The following SPAM1 variants were observed in gnomAD, a reference collection of about 807,000 sequenced individuals.
SPAM1 encodes hyaluronidase PH-20.
A neutral mutation model predicts 29.6 loss-of-function variants in SPAM1; 22 were observed. The ratio of observed to expected loss-of-function variants is 0.74; its 90% confidence interval spans 0.53 to 1.06. The LOEUF (loss-of-function observed/expected upper bound fraction) is 1.06, where lower values mean the gene tolerates loss of function less well. Among genes scored for constraint, SPAM1 ranks in the 50% least tolerant of loss-of-function variants. SPAM1 has a pLI of 0.00. For synonymous variants in SPAM1, 194 were observed against 204.6 expected (o/e 0.95, Z 0.44); for missense variants, 534 against 604.0 (o/e 0.88, Z 1.21).
chr7:123,950,662 A>T (rs1273864151), intron 2 of SPAM1, among the ~76,000 whole-genome samples: 1 of 152,156 alleles, frequency 6.6e-6, no homozygotes, highest in Admixed American at 6.6e-5. Context: ...CCAATCCACC[A>T]ATGAGGAACA....
chr7:123,929,734 G>T (rs1808007999), intron 1 of SPAM1, among the ~76,000 whole-genome samples: 1 of 152,090 alleles, frequency 6.6e-6, no homozygotes, highest in Non-Finnish European at 1.5e-5. Flanking sequence ...ACATTGAAAT[G>T]AGCCCTGCTG....
At chr7:123,941,691 A>C (rs937124560) in intron 1 of SPAM1, among the ~76,000 whole-genome samples, 26 of 152,188 alleles carry the variant, frequency 1.7e-4, no homozygotes, top group African/African-American at 6.3e-4. Context: ...AATGGGAAGC[A>C]GGTTTGCCTG....
chr7:123,958,217 C>T (rs987874414), intron 4 of SPAM1, among the ~76,000 whole-genome samples: 3 of 151,994 alleles, frequency 2.0e-5, no homozygotes, highest in Admixed American at 2.0e-4. Flanking sequence ...TGCATATCTA[C>T]CACTGCCACT....
At chr7:123,970,608 A>AATTATTATT (rs1554432383) in intron 6 of SPAM1, among the ~76,000 whole-genome samples, 9 of 147,264 alleles carry the variant, frequency 6.1e-5, no homozygotes, top group African/African-American at 2.3e-4. Context: ...TAATAATAAT[A>AATTATTATT]ATTATTATTA....
chr7:123,970,611 T>TAATAATAATAATAATA (rs1554432387), intron 6 of SPAM1, among the ~76,000 whole-genome samples: 98 of 102,120 alleles, frequency 9.6e-4, no homozygotes, highest in African/African-American at 3.9e-3. Context: ...TAATAATAAT[T>TAATAATAATAATAATA]ATTATTATTA....
At chr7:123,970,951 T>G (rs1265388842) in intron 6 of SPAM1, 1 of 152,092 alleles carries the variant, frequency 6.6e-6, no homozygotes, top group African/African-American at 2.4e-5. Flanking sequence ...AAAATTAAAA[T>G]CCATATATGT....
chr7:123,955,908 T>C (rs561528586), intron 4 of SPAM1, among the ~76,000 whole-genome samples: 1 of 152,086 alleles, frequency 6.6e-6, no homozygotes, highest in Non-Finnish European at 1.5e-5. Context: ...ATGATAATTT[T>C]CTTTAGTAAA....
At chr7:123,971,085 A>G (rs1792493135) in exon 7 of SPAM1, 1 of 152,100 alleles carries the variant, frequency 6.6e-6, no homozygotes, top group Admixed American at 6.6e-5. Flanking sequence ...CTGTGGGGAG[A>G]AGGCAAGTTA....
At chr7:123,934,587 G>T (rs1322442940) in intron 1 of SPAM1, among the ~76,000 whole-genome samples, 1 of 152,098 alleles carries the variant, frequency 6.6e-6, no homozygotes, top group African/African-American at 2.4e-5. Flanking sequence ...ATGGAATTAA[G>T]CTAAGCATCC....
Position 123,953,660 on chromosome 7 carries a change from T to G in SPAM1, c.90T>G (p.Ile30Met). ...VSQIVFTFLL[I>M]PCCLTLNFRA... Reference sequence around the variant, plus strand: ...AGATAGTTTTCACCTTCCTTCTGATTCCATGTTGCTTGACTCTGAATTTCA... The same window carrying G: ...AGATAGTTTTCACCTTCCTTCTGATGCCATGTTGCTTGACTCTGAATTTCA... The change falls in exon 3 of 5, where the codon ATT becomes ATG. Residue 30 changes from isoleucine to methionine, a missense_variant. Physicochemically the swap from Ile to Met is conservative, Grantham distance 10. Transcript: ENST00000682466. 1.2e-6 allele frequency: 2 copies of G among 1,613,372 alleles called. No homozygotes were observed. Among genetic ancestry groups the G allele is most frequent in the Non-Finnish European group, 1.7e-6 (2 of 1,179,626 alleles).
intron 4 of SPAM1, among the ~76,000 whole-genome samples, chr7:123,956,850 T>C (rs1200074027): frequency 6.6e-6 from 1 of 152,020 alleles, no homozygotes; most frequent in Non-Finnish European, 1.5e-5. Context: ...CAGTAATGTT[T>C]GGGAGGTAGC....
chr7:123,927,685 A>G (rs1031288982), intron 1 of SPAM1, among the ~76,000 whole-genome samples: 4 of 152,216 alleles, frequency 2.6e-5, no homozygotes, highest in East Asian at 3.9e-4. Context: ...GAGGGAGTCT[A>G]TAAGAGCACC....
chr7:123,936,214 G>A (rs1808241094), intron 1 of SPAM1, among the ~76,000 whole-genome samples: 1 of 152,226 alleles, frequency 6.6e-6, no homozygotes, highest in Non-Finnish European at 1.5e-5. Context: ...TTGCAGGGCA[G>A]CCAGGTTAGG....
chr7:123,944,412 A>G (rs966466762), intron 1 of SPAM1, among the ~76,000 whole-genome samples: 1 of 152,156 alleles, frequency 6.6e-6, no homozygotes, highest in African/African-American at 2.4e-5. Flanking sequence ...TAAAAATTTA[A>G]TCTCAGTTTT....
intron 1 of SPAM1, among the ~76,000 whole-genome samples, chr7:123,949,385 C>G (rs1367187876): frequency 6.6e-6 from 1 of 152,004 alleles, no homozygotes. Context: ...TTTTTAATTC[C>G]TTAAGCATGC....
chr7:123,969,504 A>G (rs553794096), intron 5 of SPAM1, among the ~76,000 whole-genome samples: 1 of 152,000 alleles, frequency 6.6e-6, no homozygotes, highest in African/African-American at 2.4e-5. Context: ...TCTTCTGCAT[A>G]TGGGTATCCA....
In SPAM1 at chr7:123,953,727, T is replaced by C. The variant is rs1254868898; in HGVS notation, c.157T>C (p.Trp53Arg). Residue 53 changes from tryptophan to arginine, a missense_variant, in exon 3 of 5, where the codon TGG (tryptophan) becomes CGG (arginine). Physicochemically the swap from Trp to Arg is moderately radical, Grantham distance 101 (BLOSUM62 -3). Transcript: ENST00000682466. ...VIPNVPFLWA[W>R]NAPSEFCLGK... ...TCCAAATGTGCCTTTCCTCTGGGCC[T>C]GGAATGCCCCAAGTGAATTTTGTCT... 1.9e-6 allele frequency: 3 copies of C among 1,613,186 alleles called. No individual in the cohort carries two copies. The highest frequency in any genetic ancestry group is 2.7e-5 in the African/African-American group (2 of 74,876).
At chr7:123,941,997 G>A (rs1334516756) in intron 1 of SPAM1, among the ~76,000 whole-genome samples, 1 of 152,164 alleles carries the variant, frequency 6.6e-6, no homozygotes, top group Non-Finnish European at 1.5e-5. Flanking sequence ...ACGAAGAAGT[G>A]AGCAATACTG....
At position 123,954,390 on chromosome 7, in the gene SPAM1, G is replaced by C. The variant is rs754183378; in HGVS notation, c.820G>C (p.Ala274Pro). ...GAACACTCAGCAGTCTCCTGTAGCT[G>C]CTACACTCTATGTGCGCAATCGAGT... ...YLNTQQSPVA[A>P]TLYVRNRVRE... The change falls in exon 3 of 5, where the codon GCT (alanine) becomes CCT (proline). Residue 274 changes from alanine (A) to proline (P), a missense_variant. Transcript: ENST00000682466. 6.2e-7 allele frequency: 1 copy of C among 1,613,494 alleles called. No homozygotes were observed. Among genetic ancestry groups the C allele is most frequent in the South Asian group, 1.1e-5 (1 of 91,052 alleles).
Sources: gnomAD v4.1 joint callset for allele counts (sites outside exome capture counted in the v4.1 genomes callset) on GRCh38, gnomAD v4.1.1 for gene constraint, MANE v1.5 for transcripts, NCBI Gene and HGNC (gene_info 2026-07-23, HGNC 2026-07-21) for gene names.